HPSE2: variants seen among roughly 807,000 people sequenced by gnomAD.
HPSE2 encodes inactive heparanase-2.
HPSE2 carries 38 observed loss-of-function variants against 60.5 expected under a neutral mutation model. That is an observed-to-expected ratio of 0.63 (90% CI 0.48 to 0.82). The LOEUF (loss-of-function observed/expected upper bound fraction) is 0.82, where lower values mean the gene tolerates loss of function less well. Among genes scored for constraint, HPSE2 ranks in the 40% least tolerant of loss-of-function variants. The probability of loss-of-function intolerance (pLI) is 0.00; values close to 1 mark genes in which losing one functional copy is unlikely to be tolerated. For synonymous variants in HPSE2, 295 were observed against 293.2 expected (o/e 1.01, Z -0.06); for missense variants, 713 against 740.4 (o/e 0.96, Z 0.43).
intron 3 of HPSE2, among the ~76,000 whole-genome samples, chr10:98,993,577 T>C (rs1374523778): frequency 6.6e-6 from 1 of 152,194 alleles, no homozygotes; most frequent in Non-Finnish European, 1.5e-5. Context: ...TTCCAGAAAT[T>C]ATGTAAAAGA....
At chr10:98,925,347 CCTTTT>C (rs948407860) in intron 3 of HPSE2, among the ~76,000 whole-genome samples, 10 of 141,628 alleles carry the variant, frequency 7.1e-5, no homozygotes, top group Non-Finnish European at 1.5e-4. Flanking sequence ...CTTATTTAAA[CCTTTT>C]ATTTTAATTG....
At chr10:99,067,771 C>T (rs9787616) in intron 3 of HPSE2, among the ~76,000 whole-genome samples, 2,485 of 152,234 alleles carry the variant, frequency 0.016, 95 homozygotes, top group East Asian at 0.14. Context: ...AGACATTTTC[C>T]CCATTGTCTT....
the HPSE2 span, among the ~76,000 whole-genome samples, chr10:99,296,080 G>C: frequency 2.0e-5 from 3 of 152,124 alleles, no homozygotes; most frequent in South Asian, 4.1e-4. Context: ...CTATTTGGGG[G>C]AACTTCAATA....
At chr10:99,315,038 G>A in the HPSE2 span, among the ~76,000 whole-genome samples, 2 of 152,212 alleles carry the variant, frequency 1.3e-5, no homozygotes, top group East Asian at 3.8e-4. Flanking sequence ...ACCTTAGCAA[G>A]AGTAGGAATG....
At chr10:98,993,447 T>C in intron 3 of HPSE2, among the ~76,000 whole-genome samples, 1 of 152,248 alleles carries the variant, frequency 6.6e-6, no homozygotes. Flanking sequence ...CTAGTTTCCC[T>C]TGACTGCCAT....
chr10:99,169,429 C>T (rs1442653800), intron 2 of HPSE2, among the ~76,000 whole-genome samples: 10 of 133,028 alleles, frequency 7.5e-5, no homozygotes, highest in Non-Finnish European at 1.4e-4. Flanking sequence ...TCCTTGAACC[C>T]GGGAGGTGGA....
intron 3 of HPSE2, among the ~76,000 whole-genome samples, chr10:99,066,046 A>G (rs748584564): frequency 1.9e-5 from 2 of 105,428 alleles, no homozygotes; most frequent in African/African-American, 5.5e-5. Flanking sequence ...GTTTTCTAAA[A>G]CTTTCTCTAG....
intron 3 of HPSE2, among the ~76,000 whole-genome samples, chr10:98,840,444 G>A (rs1231254002): frequency 3.9e-5 from 6 of 152,186 alleles, no homozygotes; most frequent in Non-Finnish European, 7.3e-5. Flanking sequence ...GAGATGATAG[G>A]CTAGAAGCAG....
intron 3 of HPSE2, among the ~76,000 whole-genome samples, chr10:99,128,684 A>G (rs1845259805): frequency 6.6e-6 from 1 of 152,064 alleles, no homozygotes; most frequent in South Asian, 2.1e-4. Flanking sequence ...CTGCTGGGGG[A>G]TGTGGCAAGG....
At chr10:98,590,082 AAAGT>A (rs148761731) in intron 9 of HPSE2, among the ~76,000 whole-genome samples, 3,644 of 152,316 alleles carry the variant, frequency 0.024, 156 homozygotes, top group African/African-American at 0.081. Context: ...CAAGAACAGA[AAAGT>A]AAGAGAGTAA....
chr10:99,267,245 G>A, the HPSE2 span, among the ~76,000 whole-genome samples: 1 of 151,842 alleles, frequency 6.6e-6, no homozygotes. Flanking sequence ...AATGATACAA[G>A]ATACAAGGGG....
intron 2 of HPSE2, among the ~76,000 whole-genome samples, chr10:99,222,915 A>G (rs1849359933): frequency 6.6e-6 from 1 of 152,182 alleles, no homozygotes; most frequent in African/African-American, 2.4e-5. Flanking sequence ...GGCATATGGC[A>G]CACATTTTTT....
In HPSE2 at chr10:98,878,269, T is replaced by C. The variant is rs146147986; in HGVS notation, c.611-134213A>G. Among the ~76,000 whole-genome samples the C allele has an allele frequency of 2.1e-3, 319 of 151,972 alleles. 2 individuals are homozygous for C. Among genetic ancestry groups the C allele is most frequent in the Middle Eastern group, 0.014 (4 of 294 alleles). ...GCTATAGGAGGATATAATAAAGAGA[T>C]CTATTTTTTTTCCTGGGAGTCATGA... On this transcript the variant is annotated intron_variant, in intron 3 of 11. Coordinates refer to ENST00000370552, the MANE Select transcript of HPSE2 (RefSeq NM_021828.5).
chr10:98,942,455 A>G (rs1423586758), intron 3 of HPSE2, among the ~76,000 whole-genome samples: 5 of 151,006 alleles, frequency 3.3e-5, no homozygotes, highest in Non-Finnish European at 7.4e-5. Context: ...GAAGACATTT[A>G]TGCAGCCAAA....
At chr10:99,145,844 A>C (rs974807265) in intron 2 of HPSE2, among the ~76,000 whole-genome samples, 2 of 152,210 alleles carry the variant, frequency 1.3e-5, no homozygotes, top group Non-Finnish European at 2.9e-5. Context: ...AGATTTCTAA[A>C]AGAAAAGCCC....
At chr10:98,495,194 C>G (rs1489535510) in intron 9 of HPSE2, among the ~76,000 whole-genome samples, 1 of 151,558 alleles carries the variant, frequency 6.6e-6, no homozygotes, top group Non-Finnish European at 1.5e-5. Context: ...TCTTTTAGCA[C>G]TTTGCATATA....
chr10:99,123,082 A>G (rs771939410), intron 3 of HPSE2, among the ~76,000 whole-genome samples: 5 of 152,178 alleles, frequency 3.3e-5, no homozygotes, highest in Non-Finnish European at 7.4e-5. Context: ...AGAAAATGTT[A>G]TATACTTATA....
Position 98,614,938 on chromosome 10 carries a change from T to A in HPSE2, c.1286A>T (p.Asn429Ile). The stretch of plus-strand genomic sequence containing the variant: ...GTTAAAATTCTGGTCCACGAGGTGA[T>A]TGTATCCATGGTCAAAAAATGAGTG... The part of the protein sequence containing the change: ...IRHSFFDHGY[N>I]HLVDQNFNPL... Residue 429 changes from asparagine to isoleucine, a missense_variant, in exon 9 of 12, where the codon AAT becomes ATT. Transcript: ENST00000370552. The A allele has an allele frequency of 1.9e-6, 3 of 1,613,956 alleles. No individual in the cohort carries two copies. The highest frequency in any genetic ancestry group is 2.5e-6 in the Non-Finnish European group (3 of 1,179,840).
intron 4 of HPSE2, among the ~76,000 whole-genome samples, chr10:98,731,338 C>T (rs2134284584): frequency 6.6e-6 from 1 of 152,136 alleles, no homozygotes; most frequent in African/African-American, 2.4e-5. Context: ...GACAAATATT[C>T]CTCATAACAT....
Sources: allele counts gnomAD v4.1 joint callset (sites outside exome capture counted in the v4.1 genomes callset), GRCh38; gene constraint gnomAD v4.1.1; transcripts MANE v1.5; gene names NCBI Gene and HGNC (gene_info 2026-07-23, HGNC 2026-07-21).